Variants in ELAVL3 observed in about 807,000 individuals in gnomAD.
ELAVL3 encodes ELAV like RNA binding protein 3.
A neutral mutation model predicts 34.2 loss-of-function variants in ELAVL3; 8 were observed. That is an observed-to-expected ratio of 0.23 (90% confidence interval 0.14 to 0.42). The LOEUF (loss-of-function observed/expected upper bound fraction) is 0.42, where lower values mean the gene tolerates loss of function less well. Ranked by LOEUF, ELAVL3 falls within the 10% of genes least tolerant of loss-of-function variation. The pLI is 1.00. For missense variants in ELAVL3, 273 were observed against 518.8 expected (o/e 0.53, Z 4.60); for synonymous variants, 209 against 222.1 (o/e 0.94, Z 0.53).
rs529265363 is a variant in ELAVL3 at position 11,458,422 on chromosome 19, C to A, written c.487+36G>T. ...GTCCCACCTGACTGCCTTTGCCCAG[C>A]GCCCCCGCCAGGTGCACCCTCCCTG... On this transcript the variant is annotated intron_variant, in intron 4 of 6. Coordinates refer to ENST00000359227, the MANE Select transcript of ELAVL3 (RefSeq NM_001420.4). This position sits in a 1 kb window ranked among gnomAD's most constrained non-coding sequence, Gnocchi z 7.3. 1.2e-5 allele frequency: 19 copies of A among 1,612,428 alleles called. No individual in the cohort carries two copies. Among genetic ancestry groups the A allele is most frequent in the South Asian group, 8.8e-5 (8 of 90,914 alleles).
intron 1 of ELAVL3, among the ~76,000 whole-genome samples, chr19:11,476,889 ACT>A (rs1469939564): frequency 2.0e-5 from 3 of 151,800 alleles, no homozygotes; most frequent in Admixed American, 6.6e-5. Flanking sequence ...ACAGAGAAAG[ACT>A]CTGTCTCAAA....
In ELAVL3 at chr19:11,466,849, C is replaced by T. The variant is rs1392888867; in HGVS notation, c.10-22G>A. 1.1e-5 allele frequency: 17 copies of T among 1,563,116 alleles called. No individual in the cohort carries two copies. Among genetic ancestry groups the T allele is most frequent in the Admixed American group, 1.9e-5 (1 of 52,256 alleles). On this transcript the variant is annotated intron_variant, in intron 1 of 6. Transcript: ENST00000359227. The surrounding 1 kb of genome is among the most constrained non-coding windows in gnomAD (Gnocchi z 5.0). ...TCTGCTGGAGATAACAGGTCGCATC[C>T]GCTCACCGCCCAGTCCCCACACCAG...
At position 11,454,673 on chromosome 19, in the gene ELAVL3, G is replaced by A; in HGVS notation, c.957C>T (p.Phe319=). Residue 319 remains phenylalanine (F), a synonymous_variant, in exon 7 of 7, where the codon TTC becomes TTT. Transcript: ENST00000359227. This position sits in a 1 kb window ranked among gnomAD's most constrained non-coding sequence, Gnocchi z 9.2. The part of the protein sequence containing the change: ...AVTNVKVIRD[F]TTNKCKGFGF... ...CGAAACCCTTGCACTTGTTGGTGGTGAAATCACGGATGACCTTGACGTTGG... is the reference window on the plus strand; with the variant it reads ...CGAAACCCTTGCACTTGTTGGTGGTAAAATCACGGATGACCTTGACGTTGG... The A allele has an allele frequency of 6.2e-7, 1 of 1,614,224 alleles. No individual in the cohort carries two copies. Among genetic ancestry groups the A allele is most frequent in the Admixed American group, 1.7e-5 (1 of 60,032 alleles).
chr19:11,478,300 C>A (rs1232525028), intron 1 of ELAVL3, among the ~76,000 whole-genome samples: 1 of 152,166 alleles, frequency 6.6e-6, no homozygotes, highest in Non-Finnish European at 1.5e-5. Flanking sequence ...GCTAATCTGG[C>A]CACCACCCGT....
rs1416995007 is a variant in ELAVL3 at position 11,458,615 on chromosome 19, G to C, written c.334-4C>G. 6.2e-7 allele frequency: 1 copy of C among 1,613,444 alleles called. No homozygotes were observed. ...AACTGGGTCTGGCATAGGACACCTG[G>C]GTGAGGGGGTCAGATGGACAGGGGT... On this transcript the variant is annotated splice_polypyrimidine_tract_variant and splice_region_variant and intron_variant, in intron 3 of 6. Coordinates refer to ENST00000359227, the MANE Select transcript of ELAVL3 (RefSeq NM_001420.4). The surrounding 1 kb of genome is among the most constrained non-coding windows in gnomAD (Gnocchi z 7.3).
chr19:11,471,893 T>C (rs1971171392), intron 1 of ELAVL3, among the ~76,000 whole-genome samples: 2 of 152,218 alleles, frequency 1.3e-5, no homozygotes, highest in Admixed American at 6.5e-5. Flanking sequence ...TGAAGGGCTA[T>C]GTAGAGGAGA....
intron 3 of ELAVL3, among the ~76,000 whole-genome samples, chr19:11,464,749 CCA>C (rs1417258744): frequency 5.5e-5 from 3 of 54,272 alleles, no homozygotes; most frequent in Non-Finnish European, 1.0e-4. Flanking sequence ...CACACATACA[CCA>C]CACACACATC....
intron 1 of ELAVL3, among the ~76,000 whole-genome samples, chr19:11,473,700 G>C (rs1428335226): frequency 6.6e-6 from 1 of 152,180 alleles, no homozygotes; most frequent in Non-Finnish European, 1.5e-5. Flanking sequence ...AATTGCCAAA[G>C]ATCATGCAGC....
At chr19:11,473,404 A>G (rs899963599) in intron 1 of ELAVL3, among the ~76,000 whole-genome samples, 7 of 152,218 alleles carry the variant, frequency 4.6e-5, no homozygotes, top group African/African-American at 1.4e-4. Context: ...AGAAAAAGAA[A>G]TCACATACAG....
At chr19:11,468,844 A>G (rs1307929042) in intron 1 of ELAVL3, among the ~76,000 whole-genome samples, 2 of 151,902 alleles carry the variant, frequency 1.3e-5, no homozygotes, top group African/African-American at 4.8e-5. Context: ...TTATTCCTAG[A>G]TCCTAAGACT....
At position 11,480,301 on chromosome 19, in the gene ELAVL3, C is replaced by T; in HGVS notation, c.9+299G>A. 2.7e-6 allele frequency: 1 copy of T among 365,856 alleles called. No homozygotes were observed. The allele number at this position is 365,856 out of a possible 1,614,324, so 22.7% of individuals were successfully genotyped here. A position where few individuals can be genotyped will look rare whatever the true frequency, so the allele number is the denominator to read the frequency against. ...ATGGAGGAAGCATCCTTAGCCGCCG[C>T]GGCCCCTCCCCCATCAGGCCTGCTG... is the stretch of plus-strand genomic sequence containing the variant. On this transcript the variant is annotated intron_variant, in intron 1 of 6. Coordinates refer to ENST00000359227, the MANE Select transcript of ELAVL3 (RefSeq NM_001420.4). This position sits in a 1 kb window ranked among gnomAD's most constrained non-coding sequence, Gnocchi z 6.8.
intron 3 of ELAVL3, among the ~76,000 whole-genome samples, chr19:11,462,826 G>A (rs1970917437): frequency 6.6e-6 from 1 of 151,714 alleles, no homozygotes; most frequent in Admixed American, 6.6e-5. Context: ...GCCGTGCATG[G>A]TGGCTGGCGC....
Position 11,466,359 on chromosome 19 carries a change from C to T in ELAVL3, c.230-84G>A, listed in dbSNP as rs1568383656. On this transcript the variant is annotated intron_variant, in intron 2 of 6. Transcript: ENST00000359227. This position sits in a 1 kb window ranked among gnomAD's most constrained non-coding sequence, Gnocchi z 5.0. ...CACCTCAGGCCTGAGAGACTGTCCC[C>T]TCCCCACCAAGTTTCCACCTTCCTG... 7 of 1,327,558 alleles carry T rather than the reference C, an allele frequency of 5.3e-6. No homozygotes were observed. The highest frequency in any genetic ancestry group is 7.5e-6 in the Non-Finnish European group (7 of 927,264). 82.2% of individuals were successfully genotyped at this position (1,327,558 alleles called of 1,614,324 possible).
chr19:11,454,904 C>T lies in ELAVL3; in HGVS notation c.753-27G>A. ...TACTTTGGGGGTCACGCGGGCTCTGCCCTGACCCCCCGCATGCTTCTGACC... is the reference window on the plus strand; with the variant it reads ...TACTTTGGGGGTCACGCGGGCTCTGTCCTGACCCCCCGCATGCTTCTGACC... On this transcript the variant is annotated intron_variant, in intron 6 of 6. Transcript: ENST00000359227. The surrounding 1 kb of genome is among the most constrained non-coding windows in gnomAD (Gnocchi z 9.2). 1 of 1,565,936 alleles carries T rather than the reference C, an allele frequency of 6.4e-7. No individual in the cohort carries two copies.
chr19:11,466,569 T>C lies in ELAVL3; in HGVS notation c.229+39A>G. The stretch of plus-strand genomic sequence containing the variant: ...CCCATCACCTCTGTATTTCTGAGGC[T>C]ACCACCTCTGTTCCTCCCCGCAACT... On this transcript the variant is annotated intron_variant, in intron 2 of 6. Coordinates refer to ENST00000359227, the MANE Select transcript of ELAVL3 (RefSeq NM_001420.4). This position sits in a 1 kb window ranked among gnomAD's most constrained non-coding sequence, Gnocchi z 5.0. The C allele has an allele frequency of 6.2e-7, 1 of 1,606,576 alleles. No homozygotes were observed. Among genetic ancestry groups the C allele is most frequent in the East Asian group, 2.2e-5 (1 of 44,722 alleles).
rs200375391 is a variant in ELAVL3, at chr19:11,454,338, C to A, written c.*188G>T. The stretch of plus-strand genomic sequence containing the variant: ...GGGCGGGGGATCCCCGGGCACCCCC[C>A]CAATTCCCTGCAGACCCTCCCACCC... On this transcript the variant is annotated 3_prime_UTR_variant, in exon 7 of 7. Coordinates refer to ENST00000359227, the MANE Select transcript of ELAVL3 (RefSeq NM_001420.4). The surrounding 1 kb of genome is among the most constrained non-coding windows in gnomAD (Gnocchi z 9.2). The A allele has an allele frequency of 9.3e-4, 570 of 612,418 alleles. 1 individual carries two copies. In the Middle Eastern group the frequency reaches 0.013, roughly 14 times the overall value. The allele number at this position is 612,418 out of a possible 1,614,324, so 37.9% of individuals were successfully genotyped here.
rs774089472 is a variant in ELAVL3, at chr19:11,458,281, A to G, written c.493T>C (p.Ser165Pro). The G allele has an allele frequency of 1.9e-6, 3 of 1,613,392 alleles. No homozygotes were observed. Among genetic ancestry groups the G allele is most frequent in the East Asian group, 4.5e-5 (2 of 44,854 alleles). The stretch of plus-strand genomic sequence containing the variant: ...AAGCGGATGAATCCCACACCCCGAG[A>G]GACACCTGCCAGGGGGCAGGGATGT... ...RILVDQVTGV[S>P]RGVGFIRFDK... Residue 165 changes from serine (S) to proline (P), a missense_variant, in exon 5 of 7, where the codon TCT (serine) becomes CCT (proline). By Grantham distance (74) the Ser-to-Pro change is moderately conservative. This residue lies in a region of ELAVL3 where 102 missense variants were observed against 250.1 expected (regional missense o/e 0.41). Transcript: ENST00000359227. This position sits in a 1 kb window ranked among gnomAD's most constrained non-coding sequence, Gnocchi z 7.3.
At chr19:11,457,717 G>A (rs1277781347) in intron 5 of ELAVL3, among the ~76,000 whole-genome samples, 3 of 152,160 alleles carry the variant, frequency 2.0e-5, no homozygotes, top group Non-Finnish European at 4.4e-5. Flanking sequence ...AAATAAGGGT[G>A]TCTAGCACAC....
rs1970686240 is a variant in ELAVL3 at position 11,452,957 on chromosome 19, G to T, written c.*1569C>A. 1 of 152,268 alleles carries T rather than the reference G, an allele frequency of 6.6e-6. No individual in the cohort carries two copies. Among genetic ancestry groups the T allele is most frequent in the Non-Finnish European group, 1.5e-5 (1 of 68,084 alleles). The allele number at this position is 152,268 out of a possible 1,614,324, so 9.4% of individuals were successfully genotyped here. A position where few individuals can be genotyped will look rare whatever the true frequency, so the allele number is the denominator to read the frequency against. On this transcript the variant is annotated 3_prime_UTR_variant, in exon 7 of 7. Transcript: ENST00000359227. ...GGAAAGACGAAAAACCCAACAAACC[G>T]AAAGGGGATAGGTAGGTGACAAGTG...
Sources: allele counts gnomAD v4.1 joint callset (sites outside exome capture counted in the v4.1 genomes callset), GRCh38; gene constraint gnomAD v4.1.1; regional missense constraint gnomAD v4.1.1; non-coding constraint Gnocchi (gnomAD v3.1); transcripts MANE v1.5; gene names NCBI Gene and HGNC (gene_info 2026-07-23, HGNC 2026-07-21).